MTUS2: variants seen among roughly 807,000 people sequenced by gnomAD.
The protein encoded by MTUS2 is microtubule-associated tumor suppressor candidate 2.
In MTUS2, 40 loss-of-function variants were observed where a neutral mutation model predicts 114.1. That is an observed-to-expected ratio of 0.35 (90% CI 0.27 to 0.46). MTUS2 has a LOEUF of 0.46. MTUS2 is among the 20% of genes least tolerant of loss of function. MTUS2 has a pLI of 1.00. For missense variants in MTUS2, 1,679 were observed against 1,705.4 expected, an observed-to-expected ratio of 0.98 and a Z score of 0.27; for synonymous variants, 688 against 672.0, an observed-to-expected ratio of 1.02 and a Z score of -0.37.
intron 2 of MTUS2, among the ~76,000 whole-genome samples, chr13:28,888,905 C>A (rs890246402): frequency 6.6e-6 from 1 of 152,146 alleles, no homozygotes; most frequent in Non-Finnish European, 1.5e-5. Context: ...GTGTCCAGGG[C>A]AAAGGGTAAG....
intron 5 of MTUS2, among the ~76,000 whole-genome samples, chr13:29,101,912 A>G (rs1403534601): frequency 6.6e-6 from 1 of 152,202 alleles, no homozygotes; most frequent in Non-Finnish European, 1.5e-5. Context: ...TGTGTGGAAC[A>G]TTTGCGTAGT....
intron 8 of MTUS2, chr13:29,428,986 C>A: frequency 1.5e-6 from 2 of 1,303,646 alleles, no homozygotes; most frequent in South Asian, 1.2e-5. Flanking sequence ...GCCTGTCCCC[C>A]TAGCATGCGT....
chr13:29,170,524 A>T (rs1893513025), intron 5 of MTUS2, among the ~76,000 whole-genome samples: 1 of 152,248 alleles, frequency 6.6e-6, no homozygotes, highest in Non-Finnish European at 1.5e-5. Context: ...TGAATATTTT[A>T]ATCAGATGAC....
intron 11 of MTUS2, among the ~76,000 whole-genome samples, chr13:29,491,020 T>C (rs959444932): frequency 1.5e-4 from 12 of 79,120 alleles, no homozygotes; most frequent in African/African-American, 3.8e-4. Flanking sequence ...GTGGGAGGTA[T>C]GGGGGGATGC....
rs1002889202 is a variant in MTUS2 at position 29,034,616 on chromosome 13, G to A, written c.2446+491G>A. ...TGGCCTGAGCAACTGGAAGAATGGA[G>A]TTGCCACATAGAGAAGTGCGTTTAG... On this transcript the variant is annotated intron_variant, in intron 4 of 15. Coordinates refer to ENST00000612955, the MANE Select transcript of MTUS2 (RefSeq NM_001033602.4). Among the ~76,000 whole-genome samples, 9 of 152,228 alleles carry A rather than the reference G, an allele frequency of 5.9e-5. No individual in the cohort carries two copies. The South Asian group carries it at 1.7e-3, about 28-fold the overall frequency.
At chr13:29,027,795 T>C (rs887264001) in intron 3 of MTUS2, among the ~76,000 whole-genome samples, 21 of 152,228 alleles carry the variant, frequency 1.4e-4, no homozygotes, top group African/African-American at 4.8e-4. Flanking sequence ...TACCTCGGCC[T>C]CCCAAAGTGC....
chr13:29,242,060 G>A (rs1258826557), intron 5 of MTUS2, among the ~76,000 whole-genome samples: 2 of 151,908 alleles, frequency 1.3e-5, no homozygotes, highest in South Asian at 4.2e-4. Context: ...AATTTCATAG[G>A]GCTGTATTAT....
chr13:29,459,458 G>T (rs1284310718), intron 9 of MTUS2, among the ~76,000 whole-genome samples: 1 of 152,028 alleles, frequency 6.6e-6, no homozygotes, highest in African/African-American at 2.4e-5. Context: ...CTTTCTTACT[G>T]CAAAAGCCTC....
chr13:29,090,936 C>T (rs1258202688), intron 4 of MTUS2, among the ~76,000 whole-genome samples: 3 of 152,232 alleles, frequency 2.0e-5, no homozygotes, highest in East Asian at 1.9e-4. Flanking sequence ...CTGTGGGTTT[C>T]GTGGAGTATC....
intron 2 of MTUS2, among the ~76,000 whole-genome samples, chr13:28,935,006 GTTTTTTTTTTTTTT>G (rs775863792): frequency 1.2e-4 from 5 of 41,448 alleles, no homozygotes; most frequent in South Asian, 9.4e-4. Flanking sequence ...TCTCCATAGC[GTTTTTTTTTTTTTT>G]TTTTTTTTTT....
At position 29,215,999 on chromosome 13, in the gene MTUS2, C is replaced by T. The variant is rs1593177596; in HGVS notation, c.2645-65705C>T. Among the ~76,000 whole-genome samples the T allele has an allele frequency of 2.0e-5, 3 of 152,332 alleles. 1 individual carries two copies. The South Asian group carries it at 6.2e-4, about 32-fold the overall frequency. ...CATAGCCGTCCTCTTCCCCCAGGTG[C>T]TCTGTCCCAGGGAGATCGGAGTTTT... On this transcript the variant is annotated intron_variant, in intron 5 of 15. Coordinates refer to ENST00000612955, the MANE Select transcript of MTUS2 (RefSeq NM_001033602.4).
intron 4 of MTUS2, among the ~76,000 whole-genome samples, chr13:29,042,697 T>G (rs1408138281): frequency 1.3e-5 from 2 of 152,132 alleles, no homozygotes; most frequent in South Asian, 4.1e-4. Flanking sequence ...AATCTAGGAA[T>G]GTTGTATATT....
chr13:28,946,352 T>G (rs541085659), intron 2 of MTUS2, among the ~76,000 whole-genome samples: 1 of 152,136 alleles, frequency 6.6e-6, no homozygotes, highest in African/African-American at 2.4e-5. Context: ...CACACACATG[T>G]GAGTTCCTGC....
At chr13:29,276,266 C>T (rs117684889) in intron 5 of MTUS2, among the ~76,000 whole-genome samples, 248 of 152,260 alleles carry the variant, frequency 1.6e-3, no homozygotes, top group African/African-American at 2.4e-3. Context: ...TAGAGAGATT[C>T]GGTTCATGTA....
At position 29,361,388 on chromosome 13, in the gene MTUS2, CTCTG is replaced by C. The variant is rs1294898461; in HGVS notation, c.3117+1919_3117+1922del. On this transcript the variant is annotated intron_variant, in intron 8 of 15. Coordinates refer to ENST00000612955, the MANE Select transcript of MTUS2 (RefSeq NM_001033602.4). ...CACCTCCCACACAATGTATTTTTTT[CTCTG>C]TCTTTCTGATCTCTACGCTATCTTT... Among the ~76,000 whole-genome samples, 8 of 152,288 alleles carry C rather than the reference CTCTG, an allele frequency of 5.3e-5. No homozygotes were observed. The East Asian group carries it at 7.7e-4, about 15-fold the overall frequency.
At chr13:28,990,959 C>T (rs916117097) in intron 2 of MTUS2, among the ~76,000 whole-genome samples, 4 of 152,034 alleles carry the variant, frequency 2.6e-5, no homozygotes, top group African/African-American at 9.7e-5. Context: ...GTAGCACTCA[C>T]CACGAGGTCT....
rs1411011536 is a variant in MTUS2, at chr13:29,033,880, C to T, written c.2206-5C>T. Reference sequence around the variant, plus strand: ...TCTGATTGAGTTTTTGTTCATTTATCATAGGTTACAGACCACCCTGGAAAA... The same window carrying T: ...TCTGATTGAGTTTTTGTTCATTTATTATAGGTTACAGACCACCCTGGAAAA... On this transcript the variant is annotated splice_polypyrimidine_tract_variant and splice_region_variant and intron_variant, in intron 3 of 15. Transcript: ENST00000612955. 3 of 1,613,730 alleles carry T rather than the reference C, an allele frequency of 1.9e-6. No homozygotes were observed. Among genetic ancestry groups the T allele is most frequent in the South Asian group, 2.2e-5 (2 of 91,002 alleles).
intron 7 of MTUS2, among the ~76,000 whole-genome samples, chr13:29,326,967 G>C (rs762133899): frequency 1.8e-4 from 27 of 152,120 alleles, no homozygotes; most frequent in Non-Finnish European, 2.9e-4. Flanking sequence ...GCAACAGACT[G>C]AGATTCCTTC....
At chr13:28,951,818 A>G (rs975194406) in intron 2 of MTUS2, among the ~76,000 whole-genome samples, 1 of 152,074 alleles carries the variant, frequency 6.6e-6, no homozygotes, top group African/African-American at 2.4e-5. Context: ...AAAAAAATTT[A>G]AAGTCTTGCA....
Sources: gnomAD v4.1 joint callset for allele counts (sites outside exome capture counted in the v4.1 genomes callset) on GRCh38, gnomAD v4.1.1 for gene constraint, MANE v1.5 for transcripts, NCBI Gene and HGNC (gene_info 2026-07-23, HGNC 2026-07-21) for gene names.